RRAGB: variants seen among roughly 807,000 people sequenced by gnomAD.
RRAGB encodes Ras related GTP binding B.
Under a neutral mutation model 29.3 loss-of-function variants are expected in RRAGB, and 6 were observed. The observed-to-expected ratio is 0.21, with a 90% CI of 0.11 to 0.40. The LOEUF (loss-of-function observed/expected upper bound fraction) is 0.40. Ranked by LOEUF, RRAGB falls within the 10% of genes least tolerant of loss-of-function variation. RRAGB has a pLI of 1.00. For missense variants in RRAGB, 184 were observed against 272.9 expected (o/e 0.67, Z 2.29); for synonymous variants, 101 against 92.5 (o/e 1.09, Z -0.53).
intron 4 of RRAGB, 100 bp from the exon 5 acceptor site, chrX:55,731,264 T>TA: frequency 1.6e-6 from 1 of 615,781 alleles, no homozygotes; most frequent in Admixed American, 3.6e-5. Context: ...ATTGAAGCCT[T>TA]AAGATTATCT....
intron 8 of RRAGB, 134 bp downstream of exon 8, chrX:55,756,066 C>A: frequency 2.3e-6 from 1 of 442,041 alleles, no homozygotes. Flanking sequence ...AAGCTAAATT[C>A]TAAGGGGCCT....
At chrX:55,727,585 G>A (rs111594508) in intron 3 of RRAGB, among the ~76,000 whole-genome samples, 3 of 111,593 alleles carry the variant, frequency 2.7e-5, no homozygotes, top group African/African-American at 9.8e-5. Context: ...CAGAGCTTAA[G>A]TGACTTGCCC....
intron 2 of RRAGB, among the ~76,000 whole-genome samples, chrX:55,720,300 C>T (rs1227304646): frequency 1.8e-5 from 2 of 111,668 alleles, no homozygotes; most frequent in African/African-American, 6.5e-5. Context: ...TGCATTGTAC[C>T]TCCTAAATAT....
Position 55,718,033 on chromosome X carries a change from T to A in RRAGB, c.-295T>A, listed in dbSNP as rs893939489. On this transcript the variant is annotated 5_prime_UTR_variant, in exon 1 of 10. Transcript: ENST00000374941. ...GAGGCCCAAACTCGGGACGAACCCC[T>A]AACCCACCTCTCTTTTCCTGTCATT... 4.6e-6 allele frequency: 1 copy of A among 218,295 alleles called. No homozygotes were observed. The highest frequency in any genetic ancestry group is 2.8e-5 in the African/African-American group (1 of 35,190). The allele number at this position is 218,295 out of a possible 1,213,427, so 18.0% of individuals were successfully genotyped here.
At chrX:55,736,447 T>A (rs1342563746) in intron 5 of RRAGB, among the ~76,000 whole-genome samples, 1 of 112,077 alleles carries the variant, frequency 8.9e-6, no homozygotes, top group Non-Finnish European at 1.9e-5. Flanking sequence ...ACCTAATAAT[T>A]AACATTTTGA....
At chrX:55,737,902 G>C (rs2033919335) in intron 5 of RRAGB, among the ~76,000 whole-genome samples, 1 of 112,548 alleles carries the variant, frequency 8.9e-6, no homozygotes, top group Admixed American at 9.3e-5. Context: ...GGTCCAGGGG[G>C]AACTTGTGAA....
intron 9 of RRAGB, 33 bp downstream of exon 9, chrX:55,757,364 G>T (rs756432727): frequency 7.2e-6 from 6 of 838,094 alleles, no homozygotes; most frequent in Middle Eastern, 2.9e-4. Context: ...TAGGTTCAAA[G>T]CCACATACTC....
intron 5 of RRAGB, among the ~76,000 whole-genome samples, chrX:55,733,457 T>A (rs1319046901): frequency 9.5e-6 from 1 of 105,529 alleles, no homozygotes; most frequent in East Asian, 3.1e-4. Context: ...GGGCTCTTAC[T>A]ATTTTGAGGT....
chrX:55,718,221 G>A lies in RRAGB; in HGVS notation c.-107G>A. On this transcript the variant is annotated 5_prime_UTR_variant, in exon 1 of 10. Transcript: ENST00000374941. ...TAGAGCAGGCCTGAGGGCCATAGGCGATGAGAATAGGCAGTTGAGGGGTGA... is the reference window on the plus strand; with the variant it reads ...TAGAGCAGGCCTGAGGGCCATAGGCAATGAGAATAGGCAGTTGAGGGGTGA... The A allele has an allele frequency of 1.8e-6, 1 of 557,193 alleles. No homozygotes were observed. Among genetic ancestry groups the A allele is most frequent in the Non-Finnish European group, 2.8e-6 (1 of 360,004 alleles). 45.9% of individuals were successfully genotyped at this position (557,193 alleles called of 1,213,427 possible).
intron 3 of RRAGB, among the ~76,000 whole-genome samples, chrX:55,726,858 A>G (rs1421070617): frequency 9.0e-6 from 1 of 111,274 alleles, no homozygotes; most frequent in East Asian, 2.8e-4. Context: ...AGGTAGAGAA[A>G]TCTGTTCTAG....
chrX:55,720,559 G>A (rs56075252), intron 2 of RRAGB, among the ~76,000 whole-genome samples: 56,979 of 110,572 alleles, frequency 0.52, 12,866 homozygotes, highest in East Asian at 0.74. Flanking sequence ...AGCAAGTTAA[G>A]GCTGGGCACG....
At chrX:55,749,245 G>T (rs1181185921) in intron 5 of RRAGB, among the ~76,000 whole-genome samples, 1 of 90,814 alleles carries the variant, frequency 1.1e-5, no homozygotes, top group African/African-American at 4.1e-5. Context: ...GGGCGCCTCT[G>T]CCCGGCCGCC....
chrX:55,752,911 T>C (rs1375812355), intron 6 of RRAGB, among the ~76,000 whole-genome samples: 1 of 111,808 alleles, frequency 8.9e-6, no homozygotes, highest in Non-Finnish European at 1.9e-5. Context: ...TATTATTCTA[T>C]TGAGGGGAGG....
intron 5 of RRAGB, among the ~76,000 whole-genome samples, chrX:55,740,493 A>G (rs1409822593): frequency 5.3e-5 from 6 of 112,174 alleles, no homozygotes; most frequent in East Asian, 2.8e-4. Context: ...TTGGGATTCA[A>G]CAAACTCTTG....
chrX:55,726,865 C>G (rs188262610), intron 3 of RRAGB, among the ~76,000 whole-genome samples: 1,958 of 111,001 alleles, frequency 0.018, 35 homozygotes, highest in African/African-American at 0.062. Flanking sequence ...GAAATCTGTT[C>G]TAGAGATACC....
At chrX:55,749,031 G>A (rs1248057988) in intron 5 of RRAGB, among the ~76,000 whole-genome samples, 1 of 99,577 alleles carries the variant, frequency 1.0e-5, no homozygotes, top group African/African-American at 3.7e-5. Flanking sequence ...CCTCCCGCCC[G>A]GCCAGCCGCC....
intron 5 of RRAGB, among the ~76,000 whole-genome samples, chrX:55,740,947 C>G (rs1272627077): frequency 9.0e-6 from 1 of 110,528 alleles, no homozygotes; most frequent in African/African-American, 3.3e-5. Flanking sequence ...ATAAAATCCA[C>G]TTTTTGGTGC....
In RRAGB at chrX:55,731,457, C is replaced by T. The variant is rs773521275; in HGVS notation, c.387C>T (p.Ser129=). ...EVLIYVFDVE[S]RELEKDMHYY... Reference sequence around the variant, plus strand: ...TGATTTATGTCTTTGATGTGGAGAGCCGCGAACTGGAAAAGGACATGCACT... The same window carrying T: ...TGATTTATGTCTTTGATGTGGAGAGTCGCGAACTGGAAAAGGACATGCACT... Residue 129 remains serine, a synonymous_variant, in exon 5 of 10, where the codon AGC becomes AGT. Transcript: ENST00000374941. 5 of 1,206,180 alleles carry T rather than the reference C, an allele frequency of 4.1e-6. No homozygotes were observed. In the Admixed American group the frequency reaches 1.1e-4, roughly 26 times the overall value.
intron 8 of RRAGB, 46 bp downstream of exon 8, chrX:55,755,978 A>AATT: frequency 1.1e-6 from 1 of 932,554 alleles, no homozygotes; most frequent in Non-Finnish European, 1.5e-6. Context: ...TGAAAAAATT[A>AATT]TTGTCATTTT....
Sources: gnomAD v4.1 joint callset for allele counts (sites outside exome capture counted in the v4.1 genomes callset) on GRCh38, gnomAD v4.1.1 for gene constraint, MANE v1.5 for transcripts, NCBI Gene and HGNC (gene_info 2026-07-23, HGNC 2026-07-21) for gene names.